The following TLK2 variants were observed in gnomAD, a reference collection of about 807,000 sequenced individuals.
TLK2 encodes the protein serine/threonine-protein kinase tousled-like 2.
A neutral mutation model predicts 117.3 loss-of-function variants in TLK2; 6 were observed. The observed-to-expected ratio is 0.05, with a 90% CI of 0.03 to 0.10. The LOEUF is 0.10. Ranked by LOEUF, TLK2 falls within the 10% of genes least tolerant of loss-of-function variation. The probability of loss-of-function intolerance (pLI) is 1.00; values close to 1 mark genes in which losing one functional copy is unlikely to be tolerated. For missense variants in TLK2, 299 were observed against 901.2 expected (o/e 0.33, Z 8.56); for synonymous variants, 257 against 316.7 (o/e 0.81, Z 2.00).
At position 62,520,994 on chromosome 17, in the gene TLK2, G is replaced by A. The variant is rs1401889399; in HGVS notation, c.153+150G>A. On this transcript the variant is annotated intron_variant, in intron 3 of 21. Transcript: ENST00000346027. Reference sequence around the variant, plus strand: ...TGGAGACCAGCCTGGGCAACATAGTGAGAACTCGTTTCTACAAAAAAACTT... The same window carrying A: ...TGGAGACCAGCCTGGGCAACATAGTAAGAACTCGTTTCTACAAAAAAACTT... 2.2e-5 allele frequency: 19 copies of A among 850,242 alleles called. 1 individual carries two copies. Among genetic ancestry groups the A allele is most frequent in the South Asian group, 2.2e-4 (14 of 64,918 alleles). The allele number at this position is 850,242 out of a possible 1,614,324, so 52.7% of individuals were successfully genotyped here.
At chr17:62,516,672 G>T in intron 2 of TLK2, 2 of 1,609,682 alleles carry the variant, frequency 1.2e-6, no homozygotes, top group East Asian at 2.2e-5. Context: ...CCAGCTCCGG[G>T]TGCTTAGGCA....
chr17:62,485,816 G>GTTTTTTTTTT (rs879159414), intron 2 of TLK2, among the ~76,000 whole-genome samples: 1 of 122,562 alleles, frequency 8.2e-6, no homozygotes. Flanking sequence ...TAATTTTCTG[G>GTTTTTTTTTT]TTTTTTTTTT....
Position 62,547,348 on chromosome 17 carries a change from T to C in TLK2, c.532-4954T>C, listed in dbSNP as rs189450795. Among the ~76,000 whole-genome samples the C allele has an allele frequency of 1.8e-3, 268 of 152,190 alleles. 1 individual carries two copies. The highest frequency in any genetic ancestry group is 6.0e-3 in the African/African-American group (249 of 41,550). On this transcript the variant is annotated intron_variant, in intron 7 of 21. Transcript: ENST00000346027. The stretch of plus-strand genomic sequence containing the variant: ...GGTGTTGGCATGGATTTTTTTTTTT[T>C]TTCTTTTTGGTAACATAGTCTCTTT...
intron 2 of TLK2, among the ~76,000 whole-genome samples, chr17:62,512,140 C>T (rs1162917139): frequency 1.3e-5 from 2 of 148,636 alleles, no homozygotes; most frequent in Non-Finnish European, 3.0e-5. Flanking sequence ...GTGGTTTAAA[C>T]TTTTATTTCC....
chr17:62,576,876 CAT>C, intron 13 of TLK2, 101 bp downstream of exon 13: 1 of 822,306 alleles, frequency 1.2e-6, no homozygotes, highest in Non-Finnish European at 2.0e-6. Context: ...AGTAGCTGCA[CAT>C]AGCAGCAGAA....
intron 20 of TLK2, 128 bp downstream of exon 20, chr17:62,606,369 GT>G: frequency 2.1e-6 from 1 of 469,830 alleles, no homozygotes; most frequent in Non-Finnish European, 3.7e-6. Flanking sequence ...CCTGAAAGGA[GT>G]GGTTTAAAGA....
chr17:62,570,299 G>A (rs1469507207), intron 11 of TLK2, among the ~76,000 whole-genome samples: 2 of 152,138 alleles, frequency 1.3e-5, no homozygotes, highest in Admixed American at 1.3e-4. Flanking sequence ...ATTTAGATTT[G>A]AATGAGATGG....
chr17:62,611,371 G>C (rs1168022302), intron 21 of TLK2, among the ~76,000 whole-genome samples: 1 of 152,108 alleles, frequency 6.6e-6, no homozygotes, highest in African/African-American at 2.4e-5. Context: ...TCAAACATGG[G>C]GGAAAACCAA....
At chr17:62,548,238 ATATGTGTGTGTG>A (rs1325114550) in intron 7 of TLK2, among the ~76,000 whole-genome samples, 342 of 111,902 alleles carry the variant, frequency 3.1e-3, no homozygotes, top group African/African-American at 0.012. Flanking sequence ...ATATATATAT[ATATGTGTGTGTG>A]TGTGTGTGTG....
intron 18 of TLK2, 38 bp from the exon 19 acceptor site, chr17:62,602,004 T>G: frequency 6.3e-7 from 1 of 1,584,902 alleles, no homozygotes; most frequent in Non-Finnish European, 8.6e-7. Flanking sequence ...CTTAAATCAG[T>G]AAGTCTCTGC....
At chr17:62,476,102 C>T (rs1223415728), upstream of TLK2, among the ~76,000 whole-genome samples, 1 of 152,170 alleles carries the variant, frequency 6.6e-6, no homozygotes, top group Non-Finnish European at 1.5e-5. Flanking sequence ...GTCTCAACCT[C>T]CCAAGTAGCT....
chr17:62,536,356 T>G lies in TLK2; in HGVS notation c.531+19T>G, dbSNP rs1436256192. 2 of 1,602,096 alleles carry G rather than the reference T, an allele frequency of 1.2e-6. No homozygotes were observed. The highest frequency in any genetic ancestry group is 2.7e-5 in the African/African-American group (2 of 74,694). ...TGTTTCAGTGAGTACAAAGCCTAAG[T>G]TAATTCATATCCTTTCCATTGCCCT... On this transcript the variant is annotated intron_variant, in intron 7 of 21. Transcript: ENST00000346027.
intron 2 of TLK2, among the ~76,000 whole-genome samples, chr17:62,506,327 A>G (rs2074687381): frequency 1.3e-5 from 2 of 152,156 alleles, no homozygotes; most frequent in African/African-American, 4.8e-5. Context: ...TAAAGTTGCT[A>G]TCTTAACTTC....
At chr17:62,581,857 T>C (rs1339270890) in intron 15 of TLK2, among the ~76,000 whole-genome samples, 3 of 152,218 alleles carry the variant, frequency 2.0e-5, no homozygotes, top group Admixed American at 6.5e-5. Context: ...GCTACTTAGA[T>C]AGAGTTGTGA....
intron 11 of TLK2, among the ~76,000 whole-genome samples, chr17:62,567,537 A>C (rs1452725131): frequency 1.3e-5 from 2 of 152,194 alleles, no homozygotes; most frequent in Non-Finnish European, 2.9e-5. Flanking sequence ...TATTAATTAT[A>C]GGTATTTTAG....
intron 6 of TLK2, among the ~76,000 whole-genome samples, chr17:62,528,434 G>A (rs1438734012): frequency 6.6e-6 from 1 of 151,514 alleles, no homozygotes; most frequent in Non-Finnish European, 1.5e-5. Flanking sequence ...TGTTATTTTT[G>A]GAGACAAAGT....
At chr17:62,483,790 A>G (rs929354970) in intron 2 of TLK2, among the ~76,000 whole-genome samples, 53 of 151,892 alleles carry the variant, frequency 3.5e-4, no homozygotes, top group Admixed American at 3.2e-3. Context: ...GGCATGAGCC[A>G]CTGCACCCAG....
At chr17:62,519,578 CGGAGGCGGG>C (rs2075884019) in intron 2 of TLK2, among the ~76,000 whole-genome samples, 2 of 152,132 alleles carry the variant, frequency 1.3e-5, no homozygotes, top group African/African-American at 4.8e-5. Flanking sequence ...CTTCGGGAGG[CGGAGGCGGG>C]TGGATCACCT....
At chr17:62,514,365 A>T (rs1306755173) in intron 2 of TLK2, among the ~76,000 whole-genome samples, 1 of 151,618 alleles carries the variant, frequency 6.6e-6, no homozygotes, top group African/African-American at 2.4e-5. Context: ...GGCTGGTCTC[A>T]AACTCCTGAC....
Sources: gnomAD v4.1 joint callset for allele counts (sites outside exome capture counted in the v4.1 genomes callset) on GRCh38, gnomAD v4.1.1 for gene constraint, MANE v1.5 for transcripts, NCBI Gene and HGNC (gene_info 2026-07-23, HGNC 2026-07-21) for gene names.